Variants in CSTPP1 observed in about 807,000 individuals in gnomAD.
CSTPP1 encodes the protein UPF0705 protein C11orf49.
the CSTPP1 span, among the ~76,000 whole-genome samples, chr11:47,082,477 G>A: frequency 2.6e-5 from 1 of 38,432 alleles, no homozygotes; most frequent in Non-Finnish European, 5.2e-5. Context: ...GAAGATTGAA[G>A]GATGAAAATG....
the CSTPP1 span, among the ~76,000 whole-genome samples, chr11:47,032,950 A>G: frequency 6.6e-6 from 1 of 152,372 alleles, no homozygotes; most frequent in South Asian, 2.1e-4. Context: ...TACCTTGTAT[A>G]TGTATTTTAT....
chr11:47,045,456 T>TA, the CSTPP1 span, among the ~76,000 whole-genome samples: 5 of 152,176 alleles, frequency 3.3e-5, no homozygotes. Flanking sequence ...TGTGAATACT[T>TA]ATATGTTTCA....
chr11:47,061,972 A>C, the CSTPP1 span, among the ~76,000 whole-genome samples: 1 of 151,742 alleles, frequency 6.6e-6, no homozygotes, highest in African/African-American at 2.4e-5. Context: ...GCATTCCTGG[A>C]ATGCTTTTGT....
the CSTPP1 span, among the ~76,000 whole-genome samples, chr11:47,080,702 A>G: frequency 6.6e-6 from 1 of 151,930 alleles, no homozygotes; most frequent in East Asian, 1.9e-4. Context: ...ACTAAAATCA[A>G]TAATTTATTT....
the CSTPP1 span, among the ~76,000 whole-genome samples, chr11:47,049,923 G>A: frequency 1.3e-5 from 2 of 152,082 alleles, no homozygotes; most frequent in Non-Finnish European, 2.9e-5. Context: ...TGGGGAAAGG[G>A]AAAGAAGAAT....
chr11:47,153,181 G>A, the CSTPP1 span, among the ~76,000 whole-genome samples: 3 of 152,192 alleles, frequency 2.0e-5, no homozygotes, highest in South Asian at 6.2e-4. Context: ...CTGTTCTGCT[G>A]CCTGGGTTTT....
the CSTPP1 span, among the ~76,000 whole-genome samples, chr11:47,148,454 CAT>C: frequency 1.6e-4 from 25 of 152,300 alleles, no homozygotes; most frequent in South Asian, 1.2e-3. Flanking sequence ...CCAGCCACCA[CAT>C]GACTGACACT....
At chr11:47,064,240 G>A in the CSTPP1 span, among the ~76,000 whole-genome samples, 4 of 151,606 alleles carry the variant, frequency 2.6e-5, no homozygotes, top group Non-Finnish European at 5.9e-5. Context: ...TATATGATTT[G>A]CAAATTTTTT....
the CSTPP1 span, among the ~76,000 whole-genome samples, chr11:47,107,521 C>T: frequency 6.6e-6 from 1 of 152,156 alleles, no homozygotes; most frequent in Admixed American, 6.5e-5. Flanking sequence ...ATGCAGTCCA[C>T]TCTATCTCAG....
chr11:47,026,815 T>G, the CSTPP1 span, among the ~76,000 whole-genome samples: 2 of 152,052 alleles, frequency 1.3e-5, no homozygotes, highest in Admixed American at 1.3e-4. Context: ...GAGGCAGAGG[T>G]TGCAATAAGT....
the CSTPP1 span, among the ~76,000 whole-genome samples, chr11:47,033,942 T>C: frequency 6.6e-6 from 1 of 152,144 alleles, no homozygotes; most frequent in South Asian, 2.1e-4. Flanking sequence ...GCCAGGGACA[T>C]TGTCCAATTC....
At chr11:47,052,738 T>A in the CSTPP1 span, 2 of 495,094 alleles carry the variant, frequency 4.0e-6, no homozygotes, top group Admixed American at 3.8e-5. Context: ...GATATTACTA[T>A]TACCACTACC....
chr11:47,007,001 G>GTTTT, the CSTPP1 span, among the ~76,000 whole-genome samples: 64 of 111,136 alleles, frequency 5.8e-4, 1 homozygote, highest in African/African-American at 1.4e-3. Context: ...ATTTTGTGTG[G>GTTTT]TTTTTTTTTT....
chr11:46,964,232 C>G, the CSTPP1 span, among the ~76,000 whole-genome samples: 1 of 152,068 alleles, frequency 6.6e-6, no homozygotes, highest in Non-Finnish European at 1.5e-5. Flanking sequence ...ACTGTTTTCT[C>G]TAGCTATGCT....
the CSTPP1 span, among the ~76,000 whole-genome samples, chr11:46,980,061 A>AAAAC: frequency 3.9e-5 from 6 of 152,030 alleles, no homozygotes; most frequent in South Asian, 2.1e-4. Context: ...AACTATATAT[A>AAAAC]AAACAAACAA....
chr11:47,071,128 A>T, the CSTPP1 span, among the ~76,000 whole-genome samples: 1 of 152,172 alleles, frequency 6.6e-6, no homozygotes, highest in South Asian at 2.1e-4. Context: ...TTGTCCTATC[A>T]TACCTTATAT....
At chr11:46,989,856 G>A in the CSTPP1 span, among the ~76,000 whole-genome samples, 2 of 151,572 alleles carry the variant, frequency 1.3e-5, no homozygotes, top group African/African-American at 4.8e-5. Flanking sequence ...GTCCATGAAT[G>A]CTCAATGTTT....
chr11:47,157,739 T>C, the CSTPP1 span: 2 of 1,454,582 alleles, frequency 1.4e-6, no homozygotes, highest in South Asian at 2.4e-5. Flanking sequence ...GGTATCCTCA[T>C]GAACCTGAAA....
the CSTPP1 span, among the ~76,000 whole-genome samples, chr11:46,938,460 T>C: frequency 6.6e-6 from 1 of 151,190 alleles, no homozygotes; most frequent in Admixed American, 6.6e-5. Flanking sequence ...GCATGTCATG[T>C]ATTCACCATT....
Sources: allele counts gnomAD v4.1 joint callset (sites outside exome capture counted in the v4.1 genomes callset), GRCh38; gene constraint gnomAD v4.1.1; transcripts MANE v1.5; gene names NCBI Gene and HGNC (gene_info 2026-07-23, HGNC 2026-07-21).